MRPS28: variants seen among roughly 807,000 people sequenced by gnomAD.
MRPS28 encodes the protein small ribosomal subunit protein bS1m.
MRPS28 carries 7 observed loss-of-function variants against 10.8 expected under a neutral mutation model. The observed-to-expected ratio is 0.65, with a 90% CI of 0.37 to 1.22. MRPS28 has a LOEUF of 1.22. Ranked by LOEUF, MRPS28 falls within the 50% of genes most tolerant of loss-of-function variation. MRPS28 has a pLI of 0.02. For synonymous variants in MRPS28, 121 were observed against 93.3 expected (o/e 1.30, Z -1.71); for missense variants, 265 against 232.9 (o/e 1.14, Z -0.90).
chr8:80,005,560 G>A (rs1808814354), intron 1 of MRPS28, among the ~76,000 whole-genome samples: 1 of 152,162 alleles, frequency 6.6e-6, no homozygotes, highest in African/African-American at 2.4e-5. Context: ...TCGATGCTAG[G>A]AAGAAACTGC....
chr8:79,966,448 A>G (rs1410306045), intron 2 of MRPS28, among the ~76,000 whole-genome samples: 3 of 152,246 alleles, frequency 2.0e-5, no homozygotes, highest in Admixed American at 6.5e-5. Context: ...TTGACCAAAC[A>G]CTGGTCAAAA....
At chr8:80,011,131 T>TA (rs1302550458) in intron 1 of MRPS28, among the ~76,000 whole-genome samples, 6 of 146,930 alleles carry the variant, frequency 4.1e-5, no homozygotes, top group South Asian at 4.2e-4. Context: ...TTTTTTATTT[T>TA]TTTATTTTTA....
At chr8:79,941,523 A>G (rs1806768135) in intron 2 of MRPS28, among the ~76,000 whole-genome samples, 1 of 152,238 alleles carries the variant, frequency 6.6e-6, no homozygotes, top group African/African-American at 2.4e-5. Context: ...AACAAAGTAT[A>G]GTATAAAAAT....
chr8:79,936,347 A>T lies in MRPS28; in HGVS notation c.396-17199T>A, dbSNP rs545648540. Among the ~76,000 whole-genome samples, 286 of 152,198 alleles carry T rather than the reference A, an allele frequency of 1.9e-3. 2 individuals carry two copies. Among genetic ancestry groups the T allele is most frequent in the African/African-American group, 6.7e-3 (280 of 41,544 alleles). Reference sequence around the variant, plus strand: ...TTGTCTCAAAAAAATAAAAAATAAGATAAAAATAAAAATTAATAAACTAAA... The same window carrying T: ...TTGTCTCAAAAAAATAAAAAATAAGTTAAAAATAAAAATTAATAAACTAAA... On this transcript the variant is annotated intron_variant, in intron 2 of 2. Coordinates refer to ENST00000276585, the MANE Select transcript of MRPS28 (RefSeq NM_014018.3).
chr8:80,016,248 C>T (rs1018667879), intron 1 of MRPS28, among the ~76,000 whole-genome samples: 1 of 152,018 alleles, frequency 6.6e-6, no homozygotes, highest in Admixed American at 6.5e-5. Context: ...GTATCATTTT[C>T]AAACTACAGA....
intron 2 of MRPS28, among the ~76,000 whole-genome samples, chr8:79,981,363 T>C (rs1807948503): frequency 1.3e-5 from 2 of 152,152 alleles, no homozygotes; most frequent in Non-Finnish European, 2.9e-5. Context: ...ACACAGTATT[T>C]AAAAAACAAG....
intron 2 of MRPS28, among the ~76,000 whole-genome samples, chr8:79,951,250 C>T (rs771816963): frequency 6.6e-6 from 1 of 152,174 alleles, no homozygotes; most frequent in Non-Finnish European, 1.5e-5. Flanking sequence ...CACACGGTCC[C>T]GATCCCTCAA....
intron 2 of MRPS28, chr8:79,957,038 C>T (rs547233728): frequency 6.6e-6 from 1 of 152,288 alleles, no homozygotes; most frequent in Non-Finnish European, 1.5e-5. Flanking sequence ...TCAGGAGTCA[C>T]CTAAGTCACT....
chr8:80,001,166 G>A (rs1290424088), intron 2 of MRPS28, among the ~76,000 whole-genome samples: 2 of 152,164 alleles, frequency 1.3e-5, no homozygotes, highest in African/African-American at 2.4e-5. Context: ...TGCATGTTAG[G>A]TCAGCTTGTA....
intron 2 of MRPS28, among the ~76,000 whole-genome samples, chr8:79,931,411 T>C (rs780529937): frequency 4.1e-4 from 63 of 152,314 alleles, no homozygotes; most frequent in Admixed American, 9.2e-4. Context: ...TATCATACCA[T>C]ATTAATGGGT....
Position 79,928,185 on chromosome 8 carries a change from G to A in MRPS28, c.396-9037C>T, listed in dbSNP as rs146603022. On this transcript the variant is annotated intron_variant, in intron 2 of 2. Coordinates refer to ENST00000276585, the MANE Select transcript of MRPS28 (RefSeq NM_014018.3). ...CAAAATAAAAAAAAATTAAAAATTAGCCAGGTGTGGTGGTGAGTGCCTGTA... is the reference window on the plus strand; with the variant it reads ...CAAAATAAAAAAAAATTAAAAATTAACCAGGTGTGGTGGTGAGTGCCTGTA... 8.7e-3 allele frequency among the ~76,000 whole-genome samples: 1,325 copies of A among 152,046 alleles called. 26 individuals carry two copies. The highest frequency in any genetic ancestry group is 0.03 in the African/African-American group (1,259 of 41,458).
intron 2 of MRPS28, among the ~76,000 whole-genome samples, chr8:79,960,186 C>G (rs1807336764): frequency 6.6e-6 from 1 of 152,098 alleles, no homozygotes; most frequent in South Asian, 2.1e-4. Context: ...AATAGGAAAG[C>G]TAGATGGGAA....
At chr8:80,003,282 T>A (rs2130163417) in intron 1 of MRPS28, 102 bp from the exon 2 acceptor site, 1 of 903,270 alleles carries the variant, frequency 1.1e-6, no homozygotes, top group Non-Finnish European at 1.6e-6. Flanking sequence ...GCAATAATTT[T>A]AAAATATATG....
intron 2 of MRPS28, among the ~76,000 whole-genome samples, chr8:79,947,797 G>A (rs1806962763): frequency 6.6e-6 from 1 of 150,832 alleles, no homozygotes; most frequent in Admixed American, 6.6e-5. Flanking sequence ...ACTACGCCCG[G>A]CTAATTTTTT....
chr8:79,930,666 C>T (rs148486404), intron 2 of MRPS28, among the ~76,000 whole-genome samples: 1 of 152,194 alleles, frequency 6.6e-6, no homozygotes, highest in African/African-American at 2.4e-5. Context: ...ATTCCCTAAT[C>T]TCTGGGTCAT....
rs567279197 is a variant in MRPS28 at position 79,919,417 on chromosome 8, C to T, written c.396-269G>A. ...GTACAGTGGTGCAATCAGAGCTTAC[C>T]GTAACTTCAAACTTCTGGGCTCAAG... On this transcript the variant is annotated intron_variant, in intron 2 of 2. Coordinates refer to ENST00000276585, the MANE Select transcript of MRPS28 (RefSeq NM_014018.3). 2.1e-4 allele frequency among the ~76,000 whole-genome samples: 32 copies of T among 152,008 alleles called. 1 individual carries two copies. The highest frequency in any genetic ancestry group is 3.5e-4 in the Non-Finnish European group (24 of 67,986).
chr8:79,986,364 C>T (rs572346929), intron 2 of MRPS28, among the ~76,000 whole-genome samples: 2 of 152,160 alleles, frequency 1.3e-5, no homozygotes, highest in African/African-American at 2.4e-5. Context: ...AAAACTGGCA[C>T]AAGGCAGGGA....
chr8:79,980,592 G>A (rs541415082), intron 2 of MRPS28, among the ~76,000 whole-genome samples: 1 of 152,222 alleles, frequency 6.6e-6, no homozygotes, highest in South Asian at 2.1e-4. Context: ...CTTCACTGGA[G>A]GTTAACTTCA....
intron 2 of MRPS28, among the ~76,000 whole-genome samples, chr8:79,942,060 A>G (rs1461537002): frequency 6.6e-6 from 1 of 152,152 alleles, no homozygotes; most frequent in Non-Finnish European, 1.5e-5. Context: ...GAGATCTGAG[A>G]CTCAACTTAC....
Sources: gnomAD v4.1 joint callset for allele counts (sites outside exome capture counted in the v4.1 genomes callset) on GRCh38, gnomAD v4.1.1 for gene constraint, MANE v1.5 for transcripts, NCBI Gene and HGNC (gene_info 2026-07-23, HGNC 2026-07-21) for gene names.